FHIT: variants seen among roughly 807,000 people sequenced by gnomAD.
The protein encoded by FHIT is bis(5'-adenosyl)-triphosphatase.
Under a neutral mutation model 17.9 loss-of-function variants are expected in FHIT, and 19 were observed. That is an observed-to-expected ratio of 1.06 (90% CI 0.74 to 1.56). FHIT has a LOEUF of 1.56. FHIT is among the 40% of genes most tolerant of loss of function. The pLI, the probability that FHIT is intolerant of heterozygous loss-of-function variation, is 0.00. For missense variants in FHIT, 248 were observed against 189.2 expected, an observed-to-expected ratio of 1.31 and a Z score of -1.82; for synonymous variants, 81 against 69.7, an observed-to-expected ratio of 1.16 and a Z score of -0.81.
chr3:60,462,997 G>A (rs2107418033), intron 5 of FHIT, among the ~76,000 whole-genome samples: 1 of 152,306 alleles, frequency 6.6e-6, no homozygotes, highest in Non-Finnish European at 1.5e-5. Context: ...GGGAGCAGCT[G>A]CTCCAGCTAA....
At chr3:60,537,144 C>A (rs561474024) in intron 4 of FHIT, among the ~76,000 whole-genome samples, 165 bp from the exon 5 acceptor site, 1 of 152,200 alleles carries the variant, frequency 6.6e-6, no homozygotes, top group African/African-American at 2.4e-5. Context: ...CTGGGAAAGT[C>A]TTTCTAAAAT....
intron 7 of FHIT, among the ~76,000 whole-genome samples, chr3:59,974,262 G>T (rs1708311886): frequency 6.6e-6 from 1 of 152,138 alleles, no homozygotes; most frequent in African/African-American, 2.4e-5. Context: ...TAAAAGAAAA[G>T]CCGTGTTCTC....
intron 1 of FHIT, among the ~76,000 whole-genome samples, chr3:61,212,859 T>C (rs2039530423): frequency 6.6e-6 from 1 of 152,152 alleles, no homozygotes; most frequent in Admixed American, 6.5e-5. Flanking sequence ...TTCAACATTC[T>C]TAAAGGAAAG....
At chr3:61,203,878 A>T (rs1342474379) in intron 1 of FHIT, among the ~76,000 whole-genome samples, 1 of 152,220 alleles carries the variant, frequency 6.6e-6, no homozygotes, top group Non-Finnish European at 1.5e-5. Flanking sequence ...ACATGTACTC[A>T]CAGAGATTTG....
At chr3:60,304,223 AT>A (rs1202085490) in intron 5 of FHIT, among the ~76,000 whole-genome samples, 4 of 152,078 alleles carry the variant, frequency 2.6e-5, no homozygotes, top group Non-Finnish European at 5.9e-5. Context: ...AGCACATTAC[AT>A]TTTTAAGTAT....
chr3:60,489,736 G>A (rs2033985666), intron 5 of FHIT, among the ~76,000 whole-genome samples: 1 of 152,266 alleles, frequency 6.6e-6, no homozygotes, highest in African/African-American at 2.4e-5. Context: ...GGGGATCTCT[G>A]CCTAGGTTTC....
chr3:60,006,525 G>A (rs1699930696), intron 7 of FHIT, among the ~76,000 whole-genome samples: 1 of 152,188 alleles, frequency 6.6e-6, no homozygotes, highest in East Asian at 1.9e-4. Context: ...TTGAACTGGG[G>A]TGGACTGGTC....
intron 2 of FHIT, among the ~76,000 whole-genome samples, chr3:61,141,526 C>G (rs2037080931): frequency 6.9e-6 from 1 of 144,500 alleles, no homozygotes; most frequent in Admixed American, 6.9e-5. Flanking sequence ...ATTTGAAAGT[C>G]AATACTAAAC....
chr3:61,223,367 G>T (rs1464302319), intron 1 of FHIT, among the ~76,000 whole-genome samples: 1 of 152,120 alleles, frequency 6.6e-6, no homozygotes, highest in Non-Finnish European at 1.5e-5. Context: ...CAGATCCCCA[G>T]TTCCACCCAG....
At chr3:60,941,968 C>T (rs1283297620) in intron 3 of FHIT, among the ~76,000 whole-genome samples, 1 of 152,132 alleles carries the variant, frequency 6.6e-6, no homozygotes, top group Non-Finnish European at 1.5e-5. Flanking sequence ...CTGCACTTAC[C>T]AAAATTGTAA....
In FHIT at chr3:60,868,000, T is replaced by C. The variant is rs868924433; in HGVS notation, c.-110-45989A>G. Among the ~76,000 whole-genome samples the C allele has an allele frequency of 5.3e-5, 8 of 152,298 alleles. No individual in the cohort carries two copies. The Middle Eastern group carries it at 0.014, about 259-fold the overall frequency. ...GAGGTAGCTTATAAGTCATGTCTTA[T>C]ATGACCTTTCTCAATGACAAACCTG... On this transcript the variant is annotated intron_variant, in intron 3 of 9. Coordinates refer to ENST00000492590, the MANE Select transcript of FHIT (RefSeq NM_002012.4).
chr3:60,611,090 C>G (rs1365114634), intron 4 of FHIT, among the ~76,000 whole-genome samples: 2 of 152,200 alleles, frequency 1.3e-5, no homozygotes, highest in Non-Finnish European at 1.5e-5. Flanking sequence ...ACTGTGATCT[C>G]AGGCTCATTT....
intron 7 of FHIT, among the ~76,000 whole-genome samples, chr3:59,964,451 G>T (rs1707829628): frequency 6.6e-6 from 1 of 151,988 alleles, no homozygotes; most frequent in Non-Finnish European, 1.5e-5. Context: ...CCATGTGATG[G>T]GATATTTAAC....
intron 7 of FHIT, among the ~76,000 whole-genome samples, chr3:59,975,442 T>A (rs1037713159): frequency 2.6e-5 from 4 of 152,148 alleles, no homozygotes; most frequent in Admixed American, 2.0e-4. Flanking sequence ...ATGCTTTGCA[T>A]AGTTCCTGGC....
rs1559661622 is a variant in FHIT at position 60,131,063 on chromosome 3, ACATG to A, written c.104-116915_104-116912del. Among the ~76,000 whole-genome samples, 85 of 55,324 alleles carry A rather than the reference ACATG, an allele frequency of 1.5e-3. 5 individuals are homozygous for A. Among genetic ancestry groups the A allele is most frequent in the African/African-American group, 9.4e-3 (82 of 8,716 alleles). 36.3% of individuals were successfully genotyped at this position (55,324 alleles called of 152,430 possible). ...TATATACACATATATACATACATACACATGTATGTATGTATACACATATATACAC... is the reference window on the plus strand; with the variant it reads ...TATATACACATATATACATACATACATATGTATGTATACACATATATACAC... On this transcript the variant is annotated intron_variant, in intron 5 of 9. Transcript: ENST00000492590.
At chr3:59,904,346 C>G (rs772669224) in intron 8 of FHIT, among the ~76,000 whole-genome samples, 1 of 149,140 alleles carries the variant, frequency 6.7e-6, no homozygotes, top group Non-Finnish European at 1.5e-5. Flanking sequence ...CAGGAAGGAG[C>G]GAGGGAAGGT....
At position 60,984,918 on chromosome 3, in the gene FHIT, G is replaced by A. The variant is rs115464736; in HGVS notation, c.-111+57129C>T. On this transcript the variant is annotated intron_variant, in intron 3 of 9. Coordinates refer to ENST00000492590, the MANE Select transcript of FHIT (RefSeq NM_002012.4). ...CAAACACATAATGATAAAAATTTAC[G>A]TATAGAGAATCCCTGGAGTCATGCA... is the stretch of plus-strand genomic sequence containing the variant. Among the ~76,000 whole-genome samples, 259 of 151,892 alleles carry A rather than the reference G, an allele frequency of 1.7e-3. 1 individual carries two copies. Among genetic ancestry groups the A allele is most frequent in the African/African-American group, 6.0e-3 (247 of 41,428 alleles).
At chr3:60,630,050 T>C (rs1386466719) in intron 4 of FHIT, among the ~76,000 whole-genome samples, 1 of 152,200 alleles carries the variant, frequency 6.6e-6, no homozygotes, top group African/African-American at 2.4e-5. Flanking sequence ...ATTTGTCTTA[T>C]GTTATCTTTC....
chr3:59,959,714 T>C (rs1275304204), intron 7 of FHIT, among the ~76,000 whole-genome samples: 1 of 152,204 alleles, frequency 6.6e-6, no homozygotes, highest in African/African-American at 2.4e-5. Flanking sequence ...GTGTTCACAG[T>C]CTAATGAAAG....
Sources: gnomAD v4.1 joint callset for allele counts (sites outside exome capture counted in the v4.1 genomes callset) on GRCh38, gnomAD v4.1.1 for gene constraint, MANE v1.5 for transcripts, NCBI Gene and HGNC (gene_info 2026-07-23, HGNC 2026-07-21) for gene names.